RNLS: variants seen among roughly 807,000 people sequenced by gnomAD.
RNLS encodes the protein renalase.
Under a neutral mutation model 39.8 loss-of-function variants are expected in RNLS, and 39 were observed. The observed-to-expected ratio is 0.98, with a 90% CI of 0.76 to 1.28. RNLS has a LOEUF of 1.28. Ranked by LOEUF, RNLS falls within the 50% of genes most tolerant of loss-of-function variation. The pLI is 0.00. For missense variants in RNLS, 410 were observed against 413.3 expected, an observed-to-expected ratio of 0.99 and a Z score of 0.07; for synonymous variants, 147 against 150.7, an observed-to-expected ratio of 0.98 and a Z score of 0.18.
downstream of RNLS, among the ~76,000 whole-genome samples, chr10:88,272,621 C>T (rs1648732236): frequency 6.6e-6 from 1 of 152,154 alleles, no homozygotes; most frequent in South Asian, 2.1e-4. Context: ...ACATGAAGAA[C>T]TTGGTACAGC....
intron 4 of RNLS, among the ~76,000 whole-genome samples, chr10:88,533,062 A>G (rs1010352739): frequency 6.6e-6 from 1 of 152,134 alleles, no homozygotes; most frequent in Non-Finnish European, 1.5e-5. Context: ...CAAAATAAAC[A>G]TTTAATTGCT....
chr10:88,488,934 C>T (rs1397963565), intron 4 of RNLS, among the ~76,000 whole-genome samples: 1 of 152,164 alleles, frequency 6.6e-6, no homozygotes, highest in African/African-American at 2.4e-5. Context: ...GTTCAGACTG[C>T]ATGGCCTCTT....
chr10:88,533,196 A>G (rs1375374271), intron 4 of RNLS, among the ~76,000 whole-genome samples: 1 of 152,126 alleles, frequency 6.6e-6, no homozygotes, highest in Non-Finnish European at 1.5e-5. Flanking sequence ...AGTGCCAGTC[A>G]ATTCTCTTAT....
intron 4 of RNLS, among the ~76,000 whole-genome samples, chr10:88,480,819 GTA>G (rs1554903381): frequency 6.6e-6 from 1 of 151,332 alleles, no homozygotes; most frequent in Non-Finnish European, 1.5e-5. Context: ...GTGTGTGTGT[GTA>G]TGTGTTCTAT....
chr10:88,415,577 T>C (rs938963086), intron 4 of RNLS, among the ~76,000 whole-genome samples: 1 of 152,182 alleles, frequency 6.6e-6, no homozygotes, highest in Non-Finnish European at 1.5e-5. Flanking sequence ...TTCATTATCA[T>C]TTATTGGTTA....
chr10:88,218,362 C>T, the RNLS span, among the ~76,000 whole-genome samples: 3 of 152,344 alleles, frequency 2.0e-5, no homozygotes, highest in East Asian at 3.9e-4. Flanking sequence ...TGGTCTGCAT[C>T]TTATTAATCC....
At chr10:88,288,873 A>G (rs1843470388) in intron 6 of RNLS, among the ~76,000 whole-genome samples, 1 of 152,186 alleles carries the variant, frequency 6.6e-6, no homozygotes, top group Non-Finnish European at 1.5e-5. Context: ...TCCTTCACCC[A>G]TGTAAAGTAA....
At chr10:88,322,542 C>T (rs1255659282) in intron 5 of RNLS, among the ~76,000 whole-genome samples, 12 of 152,180 alleles carry the variant, frequency 7.9e-5, no homozygotes, top group Non-Finnish European at 1.5e-5. Flanking sequence ...CACAGGTGCT[C>T]TCTCATGTGC....
chr10:88,286,041 T>C (rs1843242240), intron 6 of RNLS, among the ~76,000 whole-genome samples: 1 of 152,078 alleles, frequency 6.6e-6, no homozygotes. Flanking sequence ...GCCAGTGCCT[T>C]GATCTTGCTC....
chr10:88,367,359 A>G (rs1850203919), intron 4 of RNLS, among the ~76,000 whole-genome samples: 2 of 152,076 alleles, frequency 1.3e-5, no homozygotes, highest in African/African-American at 4.8e-5. Flanking sequence ...CTTTCACTCA[A>G]TATTATGTTT....
chr10:88,430,179 T>A (rs1193059319), intron 4 of RNLS, among the ~76,000 whole-genome samples: 3 of 151,912 alleles, frequency 2.0e-5, no homozygotes, highest in Admixed American at 1.3e-4. Flanking sequence ...TGTCTTTCAG[T>A]AATGTTTTAT....
At chr10:88,503,898 G>T (rs1201575054) in intron 4 of RNLS, among the ~76,000 whole-genome samples, 2 of 152,080 alleles carry the variant, frequency 1.3e-5, no homozygotes, top group Non-Finnish European at 2.9e-5. Flanking sequence ...CTTAGATGTG[G>T]GGATAGGTGG....
chr10:88,445,510 C>T (rs1841983231), intron 4 of RNLS, among the ~76,000 whole-genome samples: 1 of 152,182 alleles, frequency 6.6e-6, no homozygotes, highest in South Asian at 2.1e-4. Context: ...AATTAAAAGA[C>T]ACAGACTGGC....
intron 4 of RNLS, among the ~76,000 whole-genome samples, chr10:88,567,544 A>G (rs746579890): frequency 2.6e-5 from 4 of 152,218 alleles, no homozygotes; most frequent in Non-Finnish European, 5.9e-5. Flanking sequence ...CAATCTCAAA[A>G]TCAATCCAAT....
chr10:88,370,207 G>A (rs1850442163), intron 4 of RNLS, among the ~76,000 whole-genome samples: 7 of 152,006 alleles, frequency 4.6e-5, no homozygotes, highest in Admixed American at 4.6e-4. Context: ...ATTTATAAAG[G>A]TCTATTTTTT....
intron 4 of RNLS, among the ~76,000 whole-genome samples, chr10:88,365,448 C>CA (rs989242674): frequency 4.0e-5 from 6 of 151,216 alleles, no homozygotes; most frequent in Non-Finnish European, 2.9e-5. Context: ...TAAAAAGGCC[C>CA]AATTCCAATA....
chr10:88,566,470 A>G (rs1201827654), intron 4 of RNLS, among the ~76,000 whole-genome samples: 3 of 152,186 alleles, frequency 2.0e-5, no homozygotes, highest in Admixed American at 6.5e-5. Context: ...GAAAGACAAC[A>G]GAACAGAAAA....
At chr10:88,336,028 T>C (rs1847467680) in intron 5 of RNLS, among the ~76,000 whole-genome samples, 2 of 152,202 alleles carry the variant, frequency 1.3e-5, no homozygotes, top group Admixed American at 6.5e-5. Flanking sequence ...TATGGATAGA[T>C]AAAGCAAGAT....
At chr10:88,337,194 A>AT (rs1415304058) in intron 5 of RNLS, among the ~76,000 whole-genome samples, 1 of 152,206 alleles carries the variant, frequency 6.6e-6, no homozygotes, top group African/African-American at 2.4e-5. Flanking sequence ...GGTAATCTAC[A>AT]TAATAGATGC....
Sources: gnomAD v4.1 joint callset for allele counts (sites outside exome capture counted in the v4.1 genomes callset) on GRCh38, gnomAD v4.1.1 for gene constraint, MANE v1.5 for transcripts, NCBI Gene and HGNC (gene_info 2026-07-23, HGNC 2026-07-21) for gene names.